SLC38A6: variants seen among roughly 807,000 people sequenced by gnomAD.
SLC38A6 encodes the protein N system amino acid transporter NAT-1.
SLC38A6 carries 73 observed loss-of-function variants against 65.0 expected under a neutral mutation model. That is an observed-to-expected ratio of 1.12 (90% CI 0.93 to 1.37). The LOEUF (loss-of-function observed/expected upper bound fraction) is 1.37, where lower values mean the gene tolerates loss of function less well. SLC38A6 is among the 40% of genes most tolerant of loss of function. SLC38A6 has a pLI of 0.00. For synonymous variants in SLC38A6, 183 were observed against 178.8 expected (o/e 1.02, Z -0.19); for missense variants, 561 against 531.1 (o/e 1.06, Z -0.55).
At chr14:61,053,991 G>T (rs1214393564), downstream of SLC38A6, among the ~76,000 whole-genome samples, 1 of 152,030 alleles carries the variant, frequency 6.6e-6, no homozygotes, top group East Asian at 1.9e-4. Flanking sequence ...GTCTTCCAGG[G>T]TTTTTAAAGT....
chr14:61,074,283 G>A (rs1309780523), intron 15 of SLC38A6, among the ~76,000 whole-genome samples: 1 of 152,178 alleles, frequency 6.6e-6, no homozygotes, highest in Admixed American at 6.5e-5. Flanking sequence ...ATTATTTTTT[G>A]TAAAAGTCAC....
intron 1 of SLC38A6, 23 bp downstream of exon 1, chr14:60,981,405 C>T (rs923340005): frequency 6.4e-7 from 1 of 1,566,194 alleles, no homozygotes; most frequent in African/African-American, 1.4e-5. Flanking sequence ...TGTTCGCTTC[C>T]CCGCGCTGAC....
At chr14:61,031,195 A>G (rs1039586172) in intron 6 of SLC38A6, among the ~76,000 whole-genome samples, 9 of 152,112 alleles carry the variant, frequency 5.9e-5, no homozygotes, top group African/African-American at 2.2e-4. Flanking sequence ...ACTGTGTAGA[A>G]CAAGAACATT....
chr14:61,063,650 C>T (rs2042929475), intron 15 of SLC38A6, among the ~76,000 whole-genome samples: 1 of 152,056 alleles, frequency 6.6e-6, no homozygotes, highest in Non-Finnish European at 1.5e-5. Context: ...ACCTTTGCTT[C>T]TCACTTAGGA....
At chr14:60,986,494 G>C (rs2037459795) in intron 3 of SLC38A6, among the ~76,000 whole-genome samples, 1 of 152,148 alleles carries the variant, frequency 6.6e-6, no homozygotes, top group East Asian at 1.9e-4. Flanking sequence ...ACAGTGCTTT[G>C]GCCATCCAGT....
chr14:60,985,424 A>G lies in SLC38A6; in HGVS notation c.310+621A>G, dbSNP rs982954690. On this transcript the variant is annotated intron_variant, in intron 3 of 15. Transcript: ENST00000267488. ...TAAGTTCTTTTAGGATCCAGTAAAT[A>G]AAAGTATATGAATTATAGAAGTGCT... Among the ~76,000 whole-genome samples the G allele has an allele frequency of 2.0e-5, 3 of 152,236 alleles. No individual in the cohort carries two copies. The South Asian group carries it at 6.2e-4, about 32-fold the overall frequency.
intron 1 of SLC38A6, chr14:60,981,774 G>T (rs2037048782): frequency 1.6e-6 from 2 of 1,228,684 alleles, no homozygotes; most frequent in South Asian, 2.5e-5. Flanking sequence ...TTCCGACTTA[G>T]TCATGGGGGG....
chr14:60,985,857 G>A (rs950817176), intron 3 of SLC38A6, among the ~76,000 whole-genome samples: 3 of 152,146 alleles, frequency 2.0e-5, no homozygotes, highest in African/African-American at 7.2e-5. Flanking sequence ...AAGGTGAAGG[G>A]GAGCTAGGAT....
intron 6 of SLC38A6, chr14:61,034,277 A>C (rs1329006092): frequency 6.6e-6 from 1 of 152,164 alleles, no homozygotes; most frequent in African/African-American, 2.4e-5. Flanking sequence ...GGTCCTGGGG[A>C]TTAAATGCTC....
intron 3 of SLC38A6, among the ~76,000 whole-genome samples, chr14:60,997,807 C>T (rs537568979): frequency 1.2e-4 from 18 of 152,232 alleles, no homozygotes; most frequent in South Asian, 2.1e-4. Flanking sequence ...CCCAGGTTTC[C>T]GGCTTGAGCC....
rs562625720 is a variant in SLC38A6, at chr14:61,030,877, G to C, written c.482+354G>C. ...AGACACAGGTTGGGGATGGGAGAAG[G>C]TTGAATATACTGACAGTACGGGTCT... On this transcript the variant is annotated intron_variant, in intron 6 of 15. Coordinates refer to ENST00000267488, the MANE Select transcript of SLC38A6 (RefSeq NM_153811.3). 146 of 163,152 alleles carry C rather than the reference G, an allele frequency of 8.9e-4. 1 individual carries two copies. Among genetic ancestry groups the C allele is most frequent in the South Asian group, 4.8e-3 (26 of 5,442 alleles). The allele number at this position is 163,152 out of a possible 1,614,324, so 10.1% of individuals were successfully genotyped here. A position where few individuals can be genotyped will look rare whatever the true frequency, so the allele number is the denominator to read the frequency against.
chr14:61,046,026 T>C, intron 11 of SLC38A6, 41 bp from the exon 12 acceptor site: 1 of 1,257,850 alleles, frequency 8.0e-7, no homozygotes, highest in South Asian at 1.3e-5. Flanking sequence ...TTACATATAA[T>C]TCAGATCACT....
intron 12 of SLC38A6, among the ~76,000 whole-genome samples, chr14:61,049,475 A>G (rs1016643101): frequency 3.3e-5 from 5 of 152,138 alleles, no homozygotes; most frequent in African/African-American, 7.2e-5. Context: ...GGCCATCCCC[A>G]TTTTAAAGAT....
chr14:61,012,047 G>A (rs1383066266), intron 3 of SLC38A6, among the ~76,000 whole-genome samples: 2 of 152,104 alleles, frequency 1.3e-5, no homozygotes, highest in African/African-American at 2.4e-5. Context: ...ATTAATTATT[G>A]CCTCAATTTC....
At chr14:61,041,396 T>A (rs1430241866) in intron 8 of SLC38A6, among the ~76,000 whole-genome samples, 1 of 152,216 alleles carries the variant, frequency 6.6e-6, no homozygotes, top group Non-Finnish European at 1.5e-5. Context: ...TCAGGCTACT[T>A]CTTATTTTTT....
intron 15 of SLC38A6, among the ~76,000 whole-genome samples, chr14:61,075,297 C>T (rs1041949552): frequency 2.6e-5 from 4 of 152,138 alleles, no homozygotes; most frequent in Admixed American, 2.0e-4. Context: ...CATGTAAACC[C>T]TTCTTTAGAC....
At chr14:61,037,176 A>G in intron 7 of SLC38A6, 35 bp downstream of exon 7, 1 of 1,463,100 alleles carries the variant, frequency 6.8e-7, no homozygotes, top group Non-Finnish European at 9.2e-7. Flanking sequence ...TTGTTTAGAA[A>G]AAGGAAAGAA....
At chr14:61,032,963 T>C (rs141417713) in intron 6 of SLC38A6, among the ~76,000 whole-genome samples, 287 of 152,080 alleles carry the variant, frequency 1.9e-3, no homozygotes, top group African/African-American at 6.7e-3. Context: ...TATAAAGATA[T>C]CAGAATGAAA....
intron 3 of SLC38A6, among the ~76,000 whole-genome samples, chr14:61,012,672 G>A (rs1048352711): frequency 1.4e-4 from 21 of 152,018 alleles, no homozygotes; most frequent in African/African-American, 4.3e-4. Flanking sequence ...AGGTTGTTCA[G>A]TTGCCATGTA....
Sources: allele counts gnomAD v4.1 joint callset (sites outside exome capture counted in the v4.1 genomes callset), GRCh38; gene constraint gnomAD v4.1.1; transcripts MANE v1.5; gene names NCBI Gene and HGNC (gene_info 2026-07-23, HGNC 2026-07-21).